NSMCE2: variants seen among roughly 807,000 people sequenced by gnomAD.
NSMCE2 encodes the protein NSE2 SUMO ligase component of SMC5/6 complex.
In NSMCE2, 24 loss-of-function variants were observed where a neutral mutation model predicts 23.8. That is an observed-to-expected ratio of 1.01 (90% CI 0.73 to 1.42). The LOEUF is 1.42. NSMCE2 is among the 40% of genes most tolerant of loss of function. The pLI is 0.00. For missense variants in NSMCE2, 284 were observed against 296.5 expected, an observed-to-expected ratio of 0.96 and a Z score of 0.31; for synonymous variants, 92 against 94.1, an observed-to-expected ratio of 0.98 and a Z score of 0.13.
In NSMCE2 at chr8:125,151,184, T is replaced by A. The variant is rs758422945; in HGVS notation, c.171T>A (p.Ser57Arg). Residue 57 changes from serine (S) to arginine (R), a missense_variant, in exon 4 of 8, where the codon AGT becomes AGA. Ser to Arg is a moderately radical substitution (Grantham distance 110). Around this residue, in one of 2 missense-constraint regions of NSMCE2, gnomAD observed 182 missense variants for 155.5 expected, o/e 1.17. Transcript: ENST00000287437. ...DLVESQTEVS[S>R]EYSMDKAMVE... ...TTTTTCTTTCAGCTGAAGTGAGTAG[T>A]GAATATAGTATGGACAAGGCAATGG... The A allele has an allele frequency of 3.8e-6, 6 of 1,591,986 alleles. No individual in the cohort carries two copies. In the Admixed American group the frequency reaches 1.0e-4, roughly 27 times the overall value.
intron 5 of NSMCE2, among the ~76,000 whole-genome samples, chr8:125,193,285 T>C (rs185094157): frequency 6.6e-6 from 1 of 152,132 alleles, no homozygotes; most frequent in African/African-American, 2.4e-5. Flanking sequence ...AGCTACAACA[T>C]AGGACAAAAT....
intron 5 of NSMCE2, among the ~76,000 whole-genome samples, chr8:125,240,244 C>G (rs1216748705): frequency 1.3e-5 from 2 of 151,976 alleles, no homozygotes; most frequent in Non-Finnish European, 2.9e-5. Flanking sequence ...TCTGCCTCAG[C>G]CTCCCGAGTA....
At chr8:125,294,886 G>A (rs1378060109) in intron 5 of NSMCE2, among the ~76,000 whole-genome samples, 1 of 152,166 alleles carries the variant, frequency 6.6e-6, no homozygotes, top group East Asian at 1.9e-4. Context: ...ACAGTGTGAT[G>A]TCACCCAGTA....
chr8:125,281,695 C>T (rs540939628), intron 5 of NSMCE2, among the ~76,000 whole-genome samples: 1 of 151,954 alleles, frequency 6.6e-6, no homozygotes, highest in Non-Finnish European at 1.5e-5. Flanking sequence ...CCCGCCTCAG[C>T]CTCCCAAAGT....
intron 3 of NSMCE2, among the ~76,000 whole-genome samples, chr8:125,123,657 A>G (rs1819373686): frequency 6.9e-6 from 1 of 145,452 alleles, no homozygotes; most frequent in Non-Finnish European, 1.5e-5. Context: ...GTCCCATGCC[A>G]GTCCTATTTG....
At chr8:125,206,769 C>G (rs907622722) in intron 5 of NSMCE2, among the ~76,000 whole-genome samples, 1 of 152,118 alleles carries the variant, frequency 6.6e-6, no homozygotes, top group Non-Finnish European at 1.5e-5. Context: ...AAATCTTCAA[C>G]AAGTGGTTGG....
intron 1 of NSMCE2, among the ~76,000 whole-genome samples, chr8:125,100,102 A>C (rs966147781): frequency 1.3e-5 from 2 of 152,020 alleles, no homozygotes; most frequent in African/African-American, 4.8e-5. Flanking sequence ...ACTGATGCTG[A>C]TAGGTGGAGA....
chr8:125,247,725 A>C (rs1475740552), intron 5 of NSMCE2, among the ~76,000 whole-genome samples: 1 of 85,322 alleles, frequency 1.2e-5, no homozygotes, highest in East Asian at 3.0e-4. Flanking sequence ...ATTCTGTCTC[A>C]AAAAAAAAAA....
At chr8:125,333,551 G>A (rs1490904817) in intron 5 of NSMCE2, among the ~76,000 whole-genome samples, 1 of 98,654 alleles carries the variant, frequency 1.0e-5, no homozygotes, top group Non-Finnish European at 1.8e-5. Context: ...GTCTCGCTCT[G>A]TCGCCCAGGC....
chr8:125,317,805 A>G (rs1318753136), intron 5 of NSMCE2, among the ~76,000 whole-genome samples: 1 of 152,262 alleles, frequency 6.6e-6, no homozygotes, highest in African/African-American at 2.4e-5. Flanking sequence ...GAAACCATGC[A>G]GAAAAAGATT....
intron 5 of NSMCE2, among the ~76,000 whole-genome samples, chr8:125,339,847 A>G (rs1830176573): frequency 1.3e-5 from 2 of 152,048 alleles, no homozygotes; most frequent in African/African-American, 4.8e-5. Flanking sequence ...TTTCAACCCC[A>G]TCCTCTGTGC....
intron 1 of NSMCE2, among the ~76,000 whole-genome samples, chr8:125,100,318 C>T (rs1818128883): frequency 6.6e-6 from 1 of 152,106 alleles, no homozygotes; most frequent in African/African-American, 2.4e-5. Flanking sequence ...CACTTCATTC[C>T]TACCTGCCTT....
intron 1 of NSMCE2, among the ~76,000 whole-genome samples, chr8:125,092,250 C>G (rs924348379): frequency 3.3e-5 from 5 of 152,192 alleles, no homozygotes; most frequent in African/African-American, 1.2e-4. Context: ...AATAAACTCT[C>G]TGGACCTCAA....
chr8:125,256,610 A>T (rs987968074), intron 5 of NSMCE2, among the ~76,000 whole-genome samples: 111 of 152,236 alleles, frequency 7.3e-4, no homozygotes, highest in African/African-American at 2.5e-3. Context: ...AAGCTCACCC[A>T]GGGGAAGAAT....
At chr8:125,124,587 C>T (rs1819424611) in intron 3 of NSMCE2, among the ~76,000 whole-genome samples, 1 of 152,088 alleles carries the variant, frequency 6.6e-6, no homozygotes, top group African/African-American at 2.4e-5. Flanking sequence ...TCAAGCAATC[C>T]TCCCACCTCA....
chr8:125,253,472 G>A (rs1453759547), intron 5 of NSMCE2, among the ~76,000 whole-genome samples: 2 of 152,194 alleles, frequency 1.3e-5, no homozygotes, highest in African/African-American at 4.8e-5. Flanking sequence ...TTCGGGTGGA[G>A]TTTTGTTTTT....
intron 4 of NSMCE2, among the ~76,000 whole-genome samples, chr8:125,153,436 A>G (rs1821149486): frequency 6.6e-6 from 1 of 152,298 alleles, no homozygotes; most frequent in East Asian, 1.9e-4. Context: ...GGTTTCTAAG[A>G]CTTGATATTA....
intron 3 of NSMCE2, among the ~76,000 whole-genome samples, chr8:125,122,699 A>G (rs1036166790): frequency 6.6e-6 from 1 of 152,176 alleles, no homozygotes; most frequent in Non-Finnish European, 1.5e-5. Flanking sequence ...TGTTTGTTGT[A>G]CATTCGTCCA....
intron 5 of NSMCE2, among the ~76,000 whole-genome samples, chr8:125,263,779 C>T (rs1165747482): frequency 1.3e-5 from 2 of 151,864 alleles, no homozygotes; most frequent in African/African-American, 4.8e-5. Context: ...AAGAAGAGGC[C>T]TGATATGACC....
Sources: gnomAD v4.1 joint callset for allele counts (sites outside exome capture counted in the v4.1 genomes callset) on GRCh38, gnomAD v4.1.1 for gene constraint, gnomAD v4.1.1 regional missense constraint, MANE v1.5 for transcripts, NCBI Gene and HGNC (gene_info 2026-07-23, HGNC 2026-07-21) for gene names.